Variants in ASAP1 observed in about 807,000 individuals in gnomAD.
The protein encoded by ASAP1 is ArfGAP with SH3 domain, ankyrin repeat and PH domain 1.
Under a neutral mutation model 145.2 loss-of-function variants are expected in ASAP1, and 43 were observed. The observed-to-expected ratio is 0.30, with a 90% CI of 0.23 to 0.38. The LOEUF is 0.38. Among genes scored for constraint, ASAP1 ranks in the 10% least tolerant of loss-of-function variants. ASAP1 has a pLI of 1.00. For synonymous variants in ASAP1, 546 were observed against 515.5 expected (o/e 1.06, Z -0.80); for missense variants, 1,018 against 1,355.3 (o/e 0.75, Z 3.91).
chr8:130,150,159 G>A lies in ASAP1; in HGVS notation c.1080+2577C>T, dbSNP rs545971703. Among the ~76,000 whole-genome samples, 7 of 152,316 alleles carry A rather than the reference G, an allele frequency of 4.6e-5. No homozygotes were observed. In the South Asian group the frequency reaches 6.2e-4, roughly 14 times the overall value. The stretch of plus-strand genomic sequence containing the variant: ...CTTTTCTCAAGGTCACAAAGTAAAT[G>A]GCAAAGTTGGCATTCAGACTCACAT... On this transcript the variant is annotated intron_variant, in intron 13 of 29. Coordinates refer to ENST00000518721, the MANE Select transcript of ASAP1 (RefSeq NM_018482.4).
chr8:130,155,020 G>C (rs1565026897), intron 12 of ASAP1, among the ~76,000 whole-genome samples: 1 of 152,240 alleles, frequency 6.6e-6, no homozygotes, highest in East Asian at 1.9e-4. Context: ...TGCTAACATA[G>C]GTGAGGCATC....
chr8:130,306,203 G>A (rs1822982196), intron 3 of ASAP1, among the ~76,000 whole-genome samples: 1 of 152,154 alleles, frequency 6.6e-6, no homozygotes, highest in African/African-American at 2.4e-5. Flanking sequence ...ATTATGTATA[G>A]AAACACCTTG....
intron 1 of ASAP1, among the ~76,000 whole-genome samples, chr8:130,439,793 G>A (rs949665135): frequency 3.5e-4 from 54 of 152,316 alleles, no homozygotes; most frequent in African/African-American, 1.2e-3. Context: ...GGCATGTGCC[G>A]GCAAGCACTC....
chr8:130,345,365 T>A (rs1825645810), intron 3 of ASAP1, among the ~76,000 whole-genome samples: 1 of 152,164 alleles, frequency 6.6e-6, no homozygotes, highest in Admixed American at 6.5e-5. Context: ...ATTATCTAGA[T>A]TTAAATGCCT....
At chr8:130,305,067 T>C (rs1021206637) in intron 3 of ASAP1, among the ~76,000 whole-genome samples, 48 of 152,140 alleles carry the variant, frequency 3.2e-4, no homozygotes, top group African/African-American at 1.1e-3. Context: ...CTGAGGACCT[T>C]CGTGCTGTCG....
chr8:130,185,118 TAC>T (rs1324717389), intron 7 of ASAP1, among the ~76,000 whole-genome samples: 1 of 152,202 alleles, frequency 6.6e-6, no homozygotes, highest in Non-Finnish European at 1.5e-5. Flanking sequence ...TAAGTCCCAG[TAC>T]ATCAAAGAGA....
At chr8:130,433,044 C>G (rs1372518232) in intron 1 of ASAP1, among the ~76,000 whole-genome samples, 2 of 152,172 alleles carry the variant, frequency 1.3e-5, no homozygotes, top group Non-Finnish European at 2.9e-5. Context: ...ACATCTCCAC[C>G]CTGCTGCCAT....
chr8:130,295,451 T>A (rs1822210349), intron 3 of ASAP1, among the ~76,000 whole-genome samples: 1 of 152,212 alleles, frequency 6.6e-6, no homozygotes, highest in East Asian at 1.9e-4. Flanking sequence ...GTTCTGGCAC[T>A]TACTGGCTGT....
Position 130,072,793 on chromosome 8 carries a change from A to ATGTGTGTGTGTGTG in ASAP1, c.2701+3541_2701+3554dup, listed in dbSNP as rs1206526066. 1.7e-3 allele frequency among the ~76,000 whole-genome samples: 177 copies of ATGTGTGTGTGTGTG among 102,386 alleles called. 1 individual carries two copies. The highest frequency in any genetic ancestry group is 4.4e-3 in the South Asian group (11 of 2,500). 67.2% of individuals were successfully genotyped at this position (102,386 alleles called of 152,430 possible). On this transcript the variant is annotated intron_variant, in intron 27 of 29. Coordinates refer to ENST00000518721, the MANE Select transcript of ASAP1 (RefSeq NM_018482.4). ...CTGAAGGCCTGGACTTGCAATTGAT[A>ATGTGTGTGTGTGTG]TGTGTGTGTGTGTGTGTGTGTGTGT...
At position 130,236,941 on chromosome 8, in the gene ASAP1, T is replaced by C. The variant is rs1818249585; in HGVS notation, c.240A>G (p.Ala80=). The C allele has an allele frequency of 1.1e-5, 18 of 1,602,562 alleles. No homozygotes were observed. The highest frequency in any genetic ancestry group is 1.5e-5 in the Non-Finnish European group (18 of 1,173,890). The change falls in exon 4 of 30, where the codon GCA becomes GCG. Residue 80 remains alanine (A), a synonymous_variant. Coordinates refer to ENST00000518721, the MANE Select transcript of ASAP1 (RefSeq NM_018482.4). The part of the protein sequence containing the change: ...ALQKVKKSVK[A]IYNSGQDHVQ... ...GCTTACCTTGACCAGAATTATATAT[T>C]GCTTTTACAGACTTCTTCACTTTCT...
At chr8:130,202,517 A>G (rs948884950) in intron 5 of ASAP1, among the ~76,000 whole-genome samples, 4 of 152,214 alleles carry the variant, frequency 2.6e-5, no homozygotes, top group African/African-American at 4.8e-5. Context: ...TCTTACTACT[A>G]AAGTATAGAC....
At chr8:130,434,935 T>A (rs1016360339) in intron 1 of ASAP1, among the ~76,000 whole-genome samples, 15 of 151,976 alleles carry the variant, frequency 9.9e-5, no homozygotes, top group Admixed American at 9.2e-4. Flanking sequence ...TTACAGCCCA[T>A]CCCCTGAAAA....
intron 27 of ASAP1, among the ~76,000 whole-genome samples, chr8:130,071,507 T>G (rs776229012): frequency 6.6e-6 from 1 of 152,344 alleles, no homozygotes; most frequent in Non-Finnish European, 1.5e-5. Context: ...AGACTTGTAT[T>G]GCTGCTTGTA....
chr8:130,442,273 C>T (rs143566509), intron 1 of ASAP1, among the ~76,000 whole-genome samples: 16 of 152,200 alleles, frequency 1.1e-4, no homozygotes, highest in African/African-American at 3.6e-4. Context: ...TGGGACTGAG[C>T]CTGAAGAAGT....
Position 130,292,589 on chromosome 8 carries a change from T to G in ASAP1, c.187-55595A>C, listed in dbSNP as rs776543415. Among the ~76,000 whole-genome samples the G allele has an allele frequency of 3.3e-5, 5 of 152,360 alleles. No homozygotes were observed. The South Asian group carries it at 1.0e-3, about 32-fold the overall frequency. ...AAGTTTATTGTTCAAGAGGTGATTA[T>G]TGCAGAACGCCATTCCTGGTCCAGA... On this transcript the variant is annotated intron_variant, in intron 3 of 29. Coordinates refer to ENST00000518721, the MANE Select transcript of ASAP1 (RefSeq NM_018482.4).
intron 3 of ASAP1, among the ~76,000 whole-genome samples, chr8:130,314,658 G>A (rs1028428053): frequency 3.3e-5 from 5 of 152,242 alleles, no homozygotes; most frequent in Non-Finnish European, 5.9e-5. Flanking sequence ...AGTGGCACCT[G>A]CAAGGTGGGG....
rs199760248 is a variant in ASAP1 at position 130,124,135 on chromosome 8, T to C, written c.1516-31A>G. ...ACAGAAAAAACAAACAACCACAATA[T>C]AGCAAACTCTTTGCTACTAGTTAAA... On this transcript the variant is annotated intron_variant, in intron 17 of 29. Coordinates refer to ENST00000518721, the MANE Select transcript of ASAP1 (RefSeq NM_018482.4). 1.1e-4 allele frequency: 154 copies of C among 1,452,334 alleles called. 1 individual carries two copies. The African/African-American group carries it at 1.9e-3, about 18-fold the overall frequency. The allele number at this position is 1,452,334 out of a possible 1,614,324, so 90.0% of individuals were successfully genotyped here.
At chr8:130,319,037 A>G (rs571260851) in intron 3 of ASAP1, among the ~76,000 whole-genome samples, 1 of 152,292 alleles carries the variant, frequency 6.6e-6, no homozygotes, top group Non-Finnish European at 1.5e-5. Flanking sequence ...AAAAGCAGTC[A>G]CTCCTATAAT....
At chr8:130,112,036 A>G in intron 24 of ASAP1, 58 bp downstream of exon 24, 1 of 1,490,394 alleles carries the variant, frequency 6.7e-7, no homozygotes, top group Non-Finnish European at 9.3e-7. Context: ...ATCAGCTCTG[A>G]GGATGGAGTC....
Sources: gnomAD v4.1 joint callset for allele counts (sites outside exome capture counted in the v4.1 genomes callset) on GRCh38, gnomAD v4.1.1 for gene constraint, MANE v1.5 for transcripts, NCBI Gene and HGNC (gene_info 2026-07-23, HGNC 2026-07-21) for gene names.